Variants in RHOBTB1 observed in about 807,000 individuals in gnomAD.
RHOBTB1 encodes Rho related BTB domain containing 1, also known as rho-related BTB domain-containing protein 1.
Under a neutral mutation model 71.6 loss-of-function variants are expected in RHOBTB1, and 40 were observed. The ratio of observed to expected loss-of-function variants is 0.56; its 90% confidence interval spans 0.43 to 0.73. The LOEUF (loss-of-function observed/expected upper bound fraction) is 0.73, where lower values mean the gene tolerates loss of function less well. RHOBTB1 is among the 30% of genes least tolerant of loss of function. The pLI, the probability that RHOBTB1 is intolerant of heterozygous loss-of-function variation, is 0.00. For missense variants in RHOBTB1, 797 were observed against 894.0 expected, an observed-to-expected ratio of 0.89 and a Z score of 1.38; for synonymous variants, 319 against 334.9, an observed-to-expected ratio of 0.95 and a Z score of 0.52.
At chr10:60,932,383 T>A (rs2084305750) in intron 2 of RHOBTB1, among the ~76,000 whole-genome samples, 2 of 151,942 alleles carry the variant, frequency 1.3e-5, no homozygotes, top group South Asian at 4.2e-4. Context: ...AGTAGGGCAC[T>A]GGTGGTGTAC....
chr10:60,942,858 T>TA, intron 1 of RHOBTB1, among the ~76,000 whole-genome samples: 1 of 86,050 alleles, frequency 1.2e-5, no homozygotes, highest in East Asian at 1.0e-3. Context: ...CCGATAACGG[T>TA]ATTTTTTTTT....
At chr10:60,978,604 A>C (rs1245429499) in intron 2 of RHOBTB1, among the ~76,000 whole-genome samples, 3 of 152,276 alleles carry the variant, frequency 2.0e-5, no homozygotes, top group Non-Finnish European at 2.9e-5. Flanking sequence ...CAGGGTCTCA[A>C]GGCTATCAAG....
chr10:60,889,652 T>TAA (rs1264983923), intron 5 of RHOBTB1, among the ~76,000 whole-genome samples: 1 of 151,266 alleles, frequency 6.6e-6, no homozygotes, highest in South Asian at 2.1e-4. Context: ...TTTACTTCTT[T>TAA]AAAAAAAAAT....
intron 2 of RHOBTB1, among the ~76,000 whole-genome samples, chr10:60,951,862 G>T (rs577322751): frequency 3.9e-5 from 6 of 152,130 alleles, no homozygotes; most frequent in Non-Finnish European, 8.8e-5. Flanking sequence ...TTTGAGACCA[G>T]CCTGGTCAAC....
intron 2 of RHOBTB1, among the ~76,000 whole-genome samples, chr10:60,927,251 C>T (rs187724487): frequency 6.6e-4 from 101 of 152,192 alleles, no homozygotes; most frequent in Admixed American, 9.2e-4. Flanking sequence ...ATGGGAAGAT[C>T]GATATTGTTA....
intron 4 of RHOBTB1, among the ~76,000 whole-genome samples, chr10:60,896,924 G>A (rs1306471044): frequency 2.0e-5 from 3 of 152,114 alleles, no homozygotes; most frequent in Non-Finnish European, 4.4e-5. Flanking sequence ...AGCTGATAAA[G>A]CCAAGCTCAG....
rs768295520 is a variant in RHOBTB1 at position 60,886,148 on chromosome 10, C to A, written c.1539G>T (p.Met513Ile). 1 of 1,614,132 alleles carries A rather than the reference C, an allele frequency of 6.2e-7. No individual in the cohort carries two copies. Among genetic ancestry groups the A allele is most frequent in the South Asian group, 1.1e-5 (1 of 91,086 alleles). The change falls in exon 7 of 11, where the codon ATG becomes ATT. Residue 513 changes from methionine to isoleucine, a missense_variant. By Grantham distance (10) the Met-to-Ile change is conservative (BLOSUM62 1). Coordinates refer to ENST00000337910, the MANE Select transcript of RHOBTB1 (RefSeq NM_014836.5). ...CACTTTCCACAAATGACCCCCCGAACATGGCTGCCATCCACTCACAGCTAC... is the reference window on the plus strand; with the variant it reads ...CACTTTCCACAAATGACCCCCCGAAAATGGCTGCCATCCACTCACAGCTAC... ...LICSCEWMAA[M>I]FGGSFVESAN...
chr10:60,935,898 G>A (rs1011927130), intron 2 of RHOBTB1, among the ~76,000 whole-genome samples: 2 of 152,162 alleles, frequency 1.3e-5, no homozygotes, highest in African/African-American at 4.8e-5. Context: ...AGCCACATCA[G>A]TAGCTTGAAA....
At chr10:60,915,461 C>A (rs1051123457) in intron 2 of RHOBTB1, among the ~76,000 whole-genome samples, 1 of 152,022 alleles carries the variant, frequency 6.6e-6, no homozygotes, top group Non-Finnish European at 1.5e-5. Context: ...AAAAGAAAAG[C>A]CTGAAAGAAT....
In RHOBTB1 at chr10:60,934,920, G is replaced by A. The variant is rs763244365; in HGVS notation, c.-11+6884C>T. Among the ~76,000 whole-genome samples, 3 of 152,178 alleles carry A rather than the reference G, an allele frequency of 2.0e-5. No individual in the cohort carries two copies. In the East Asian group the frequency reaches 5.8e-4, roughly 29 times the overall value. ...CATTCACATGAAAGGATCAACAGCCGTGGGCATGTTATATGAGACATAGAG... is the reference window on the plus strand; with the variant it reads ...CATTCACATGAAAGGATCAACAGCCATGGGCATGTTATATGAGACATAGAG... On this transcript the variant is annotated intron_variant, in intron 2 of 10. Transcript: ENST00000337910.
chr10:60,952,860 G>A (rs905652111), intron 2 of RHOBTB1, among the ~76,000 whole-genome samples: 3 of 152,048 alleles, frequency 2.0e-5, no homozygotes, highest in Admixed American at 2.0e-4. Context: ...GGATTCTCGG[G>A]GTCCTTGACA....
At chr10:60,871,769 G>T in intron 10 of RHOBTB1, 118 bp from the exon 11 acceptor site, 1 of 922,750 alleles carries the variant, frequency 1.1e-6, no homozygotes, top group Non-Finnish European at 1.6e-6. Flanking sequence ...GGCAGAGACT[G>T]TGATTAGGGC....
intron 6 of RHOBTB1, among the ~76,000 whole-genome samples, chr10:60,887,122 A>C (rs2081626314): frequency 6.6e-6 from 1 of 150,866 alleles, no homozygotes; most frequent in Non-Finnish European, 1.5e-5. Context: ...ATTGTATTTG[A>C]TTATTATGCC....
chr10:60,902,413 TA>T (rs1349875391), intron 4 of RHOBTB1, among the ~76,000 whole-genome samples: 5 of 152,194 alleles, frequency 3.3e-5, no homozygotes, highest in South Asian at 4.1e-4. Flanking sequence ...GCAAATGGAT[TA>T]AAAAATGTTT....
intron 5 of RHOBTB1, among the ~76,000 whole-genome samples, chr10:60,891,699 A>G (rs2081927657): frequency 1.3e-5 from 2 of 152,086 alleles, no homozygotes. Flanking sequence ...CTCTCCAGCC[A>G]AAAAGTTCAA....
chr10:60,889,705 C>G (rs1430685014), intron 5 of RHOBTB1, among the ~76,000 whole-genome samples: 3 of 152,110 alleles, frequency 2.0e-5, no homozygotes, highest in Non-Finnish European at 4.4e-5. Flanking sequence ...CATCACTTTA[C>G]TAGCTATTTA....
chr10:60,921,465 T>C (rs1274891535), intron 2 of RHOBTB1, among the ~76,000 whole-genome samples: 2 of 152,214 alleles, frequency 1.3e-5, no homozygotes, highest in Non-Finnish European at 2.9e-5. Context: ...GCAAACATCC[T>C]TCCTTTACAC....
At chr10:60,918,696 C>T (rs2083397708) in intron 2 of RHOBTB1, among the ~76,000 whole-genome samples, 1 of 152,086 alleles carries the variant, frequency 6.6e-6, no homozygotes, top group Admixed American at 6.6e-5. Flanking sequence ...TATGCTGCAT[C>T]TTATCACTTA....
chr10:60,873,842 G>C (rs1423371577), intron 9 of RHOBTB1, among the ~76,000 whole-genome samples: 1 of 152,220 alleles, frequency 6.6e-6, no homozygotes, highest in Non-Finnish European at 1.5e-5. Context: ...GATTGCCCTG[G>C]GGCAGAGGAT....
Sources: allele counts gnomAD v4.1 joint callset (sites outside exome capture counted in the v4.1 genomes callset), GRCh38; gene constraint gnomAD v4.1.1; transcripts MANE v1.5; gene names NCBI Gene and HGNC (gene_info 2026-07-23, HGNC 2026-07-21).